The following OSBPL11 variants were observed in gnomAD, a reference collection of about 807,000 sequenced individuals.
OSBPL11 encodes the protein oxysterol binding protein like 11.
In OSBPL11, 33 loss-of-function variants were observed where a neutral mutation model predicts 84.4. The observed-to-expected ratio is 0.39, with a 90% CI of 0.30 to 0.52. OSBPL11 has a LOEUF of 0.52. Among genes scored for constraint, OSBPL11 ranks in the 20% least tolerant of loss-of-function variants. The pLI is 0.72. For synonymous variants in OSBPL11, 276 were observed against 310.2 expected (o/e 0.89, Z 1.16); for missense variants, 736 against 901.1 (o/e 0.82, Z 2.35).
intron 11 of OSBPL11, among the ~76,000 whole-genome samples, chr3:125,536,428 G>T (rs1935640751): frequency 6.6e-6 from 1 of 152,156 alleles, no homozygotes. Flanking sequence ...GAGTTATGCA[G>T]ATCTTCCAGA....
At position 125,567,521 on chromosome 3, in the gene OSBPL11, A is replaced by C. The variant is rs1936177827; in HGVS notation, c.741T>G (p.Leu247=). Reference sequence around the variant, plus strand: ...TTAAGAGATCCTGGTCCAAGGAACTAAGATGGCCAGAAGTAGGAAGGCATT... The same window carrying C: ...TTAAGAGATCCTGGTCCAAGGAACTCAGATGGCCAGAAGTAGGAAGGCATT... ...RIECLPTSGH[L]SSLDQDLLML... Residue 247 remains leucine (L), a synonymous_variant, in exon 6 of 13, where the codon CTT becomes CTG. Coordinates refer to ENST00000296220, the MANE Select transcript of OSBPL11 (RefSeq NM_022776.5). The C allele has an allele frequency of 1.2e-6, 2 of 1,614,026 alleles. No homozygotes were observed.
chr3:125,532,004 T>C lies in OSBPL11; in HGVS notation c.2035A>G (p.Lys679Glu), dbSNP rs1178202352. 1.9e-6 allele frequency: 3 copies of C among 1,601,304 alleles called. No individual in the cohort carries two copies. Among genetic ancestry groups the C allele is most frequent in the Non-Finnish European group, 2.5e-6 (3 of 1,176,586 alleles). ...TCTCTCAGCGAGTCTGTCACATTTT[T>C]CCACAATCGCCTGAAATCCAAAAAC... Reference protein sequence around the residue: ...QDPFESRRLWKNVTDSLRESE... With the variant: ...QDPFESRRLWENVTDSLRESE... Residue 679 changes from lysine to glutamate, a missense_variant, in exon 12 of 13, where the codon AAA (lysine) becomes GAA (glutamate). Coordinates refer to ENST00000296220, the MANE Select transcript of OSBPL11 (RefSeq NM_022776.5).
At position 125,546,122 on chromosome 3, in the gene OSBPL11, TA is replaced by T. The variant is rs769745638; in HGVS notation, c.1841+1283del. Among the ~76,000 whole-genome samples, 614 of 134,168 alleles carry T rather than the reference TA, an allele frequency of 4.6e-3. 2 individuals are homozygous for T. Among genetic ancestry groups the T allele is most frequent in the African/African-American group, 9.8e-3 (358 of 36,574 alleles). 88.0% of individuals were successfully genotyped at this position (134,168 alleles called of 152,430 possible). A position where few individuals can be genotyped will look rare whatever the true frequency, so the allele number is the denominator to read the frequency against. On this transcript the variant is annotated intron_variant, in intron 10 of 12. Transcript: ENST00000296220. The stretch of plus-strand genomic sequence containing the variant: ...GGCAACATAGGGAGATCCTGTCTCT[TA>T]AAAAAAAAAAAAAAAGAATAGGAAA...
intron 11 of OSBPL11, among the ~76,000 whole-genome samples, chr3:125,536,823 ATACT>A (rs1401412911): frequency 6.6e-6 from 1 of 152,150 alleles, no homozygotes; most frequent in African/African-American, 2.4e-5. Flanking sequence ...GCCAGCACAA[ATACT>A]TATTTATATT....
intron 8 of OSBPL11, 72 bp downstream of exon 8, chr3:125,560,307 C>T (rs1364910865): frequency 4.8e-6 from 6 of 1,249,280 alleles, no homozygotes; most frequent in African/African-American, 1.5e-5. Context: ...AATAAAAAGT[C>T]CTGACATAAA....
intron 5 of OSBPL11, among the ~76,000 whole-genome samples, chr3:125,570,348 A>C (rs1936225111): frequency 6.7e-6 from 1 of 149,942 alleles, no homozygotes; most frequent in Non-Finnish European, 1.5e-5. Context: ...AAAAAAAAGA[A>C]AGAAAGAAAA....
chr3:125,560,286 A>G (rs1383297464), intron 8 of OSBPL11, 93 bp downstream of exon 8: 14 of 1,172,900 alleles, frequency 1.2e-5, no homozygotes, highest in African/African-American at 1.6e-5. Flanking sequence ...TTAAAATTTA[A>G]AAAGTAAATA....
Position 125,530,348 on chromosome 3 carries a change from C to A in OSBPL11, c.*167G>T. 1 of 646,750 alleles carries A rather than the reference C, an allele frequency of 1.5e-6. No individual in the cohort carries two copies. The highest frequency in any genetic ancestry group is 2.8e-6 in the Non-Finnish European group (1 of 359,520). The allele number at this position is 646,750 out of a possible 1,614,324, so 40.1% of individuals were successfully genotyped here. ...AAAGGTCCACTGTGTTTCTTTACCA[C>A]TTTGGTCTTGCTGCAGTATTATGGT... On this transcript the variant is annotated 3_prime_UTR_variant, in exon 13 of 13. Transcript: ENST00000296220.
intron 8 of OSBPL11, among the ~76,000 whole-genome samples, chr3:125,557,133 TA>T (rs1340870727): frequency 2.0e-5 from 3 of 152,206 alleles, no homozygotes; most frequent in Non-Finnish European, 4.4e-5. Flanking sequence ...TTTAGTTTTC[TA>T]AAATTTTGTG....
At chr3:125,593,445 C>T (rs994448374) in intron 1 of OSBPL11, among the ~76,000 whole-genome samples, 1 of 151,946 alleles carries the variant, frequency 6.6e-6, no homozygotes, top group Non-Finnish European at 1.5e-5. Context: ...CATGGTGAAA[C>T]CCCATCTCTA....
At chr3:125,551,957 T>C (rs1481002756) in intron 9 of OSBPL11, among the ~76,000 whole-genome samples, 3 of 151,968 alleles carry the variant, frequency 2.0e-5, no homozygotes, top group Non-Finnish European at 2.9e-5. Context: ...AGTTAATATT[T>C]ATCTGGGGTT....
chr3:125,557,151 T>C (rs767705126), intron 8 of OSBPL11, among the ~76,000 whole-genome samples: 38 of 152,312 alleles, frequency 2.5e-4, no homozygotes, highest in African/African-American at 7.9e-4. Flanking sequence ...TGTGTTTATA[T>C]AATTTCATAA....
intron 4 of OSBPL11, among the ~76,000 whole-genome samples, chr3:125,577,320 T>C (rs1462629155): frequency 6.6e-6 from 1 of 152,156 alleles, no homozygotes; most frequent in Admixed American, 6.5e-5. Context: ...TTTCAAGTAA[T>C]GAGACTCTCC....
chr3:125,576,811 G>A (rs1284524317), intron 4 of OSBPL11, among the ~76,000 whole-genome samples: 3 of 152,092 alleles, frequency 2.0e-5, no homozygotes, highest in Non-Finnish European at 4.4e-5. Context: ...AGCCTCCTGA[G>A]TAGCTGGGAT....
In OSBPL11 at chr3:125,567,374, A is replaced by G. The variant is rs753727390; in HGVS notation, c.868+20T>C. On this transcript the variant is annotated intron_variant, in intron 6 of 12. Transcript: ENST00000296220. Reference sequence around the variant, plus strand: ...GTGTTGGCCTTCATTGTGAAGCCCTACCTTTAATCGACAACTTACCTGAAG... The same window carrying G: ...GTGTTGGCCTTCATTGTGAAGCCCTGCCTTTAATCGACAACTTACCTGAAG... The G allele has an allele frequency of 4.4e-6, 7 of 1,588,990 alleles. No homozygotes were observed. The highest frequency in any genetic ancestry group is 4.3e-6 in the Non-Finnish European group (5 of 1,157,436).
At chr3:125,588,711 G>C (rs1936551468) in intron 1 of OSBPL11, among the ~76,000 whole-genome samples, 1 of 152,134 alleles carries the variant, frequency 6.6e-6, no homozygotes, top group South Asian at 2.1e-4. Flanking sequence ...CTGAGGAAAA[G>C]GCTAATGACA....
intron 7 of OSBPL11, 143 bp downstream of exon 7, chr3:125,563,555 G>T: frequency 2.7e-6 from 2 of 752,490 alleles, no homozygotes; most frequent in Non-Finnish European, 4.2e-6. Flanking sequence ...CAAAAACAAT[G>T]CAGTTTAAAA....
chr3:125,560,396 C>T lies in OSBPL11; in HGVS notation c.1138G>A (p.Gly380Ser). The T allele has an allele frequency of 6.4e-7, 1 of 1,569,790 alleles. No individual in the cohort carries two copies. The highest frequency in any genetic ancestry group is 8.7e-7 in the Non-Finnish European group (1 of 1,154,324). Residue 380 changes from glycine to serine, a missense_variant, in exon 8 of 13, where the codon GGC becomes AGC. Gly to Ser is a moderately conservative substitution (Grantham distance 56, BLOSUM62 0). Coordinates refer to ENST00000296220, the MANE Select transcript of OSBPL11 (RefSeq NM_022776.5). Reference sequence around the variant, plus strand: ...TTACTTACTCTTGTTAAATCCATGCCCAGCTTAAGCTGTGACAAGAGATGT... The same window carrying T: ...TTACTTACTCTTGTTAAATCCATGCTCAGCTTAAGCTGTGACAAGAGATGT... ...ILHLLSQLKL[G>S]MDLTRVVLPT...
intron 2 of OSBPL11, 145 bp from the exon 3 acceptor site, chr3:125,580,185 T>G (rs1440794615): frequency 1.4e-6 from 1 of 705,292 alleles, no homozygotes; most frequent in Non-Finnish European, 2.3e-6. Context: ...CTGGAAACAC[T>G]ACACTGAATT....
Sources: allele counts gnomAD v4.1 joint callset (sites outside exome capture counted in the v4.1 genomes callset), GRCh38; gene constraint gnomAD v4.1.1; transcripts MANE v1.5; gene names NCBI Gene and HGNC (gene_info 2026-07-23, HGNC 2026-07-21).